FBRSL1: variants seen among roughly 807,000 people sequenced by gnomAD.
FBRSL1 encodes the protein fibrosin like 1, also known as fibrosin-1-like protein.
FBRSL1 carries 51 observed loss-of-function variants against 89.6 expected under a neutral mutation model. The ratio of observed to expected loss-of-function variants is 0.57; its 90% CI spans 0.45 to 0.72. The LOEUF (loss-of-function observed/expected upper bound fraction) is 0.72. Ranked by LOEUF, FBRSL1 falls within the 30% of genes least tolerant of loss-of-function variation. The probability of loss-of-function intolerance (pLI) is 0.00; values close to 1 mark genes in which losing one functional copy is unlikely to be tolerated. For synonymous variants in FBRSL1, 779 were observed against 681.1 expected (o/e 1.14, Z -2.24); for missense variants, 1,618 against 1,451.8 (o/e 1.11, Z -1.86).
At chr12:132,514,692 TC>T (rs1191041218) in intron 2 of FBRSL1, among the ~76,000 whole-genome samples, 1 of 152,130 alleles carries the variant, frequency 6.6e-6, no homozygotes, top group Non-Finnish European at 1.5e-5. Context: ...CCTAGAGGGC[TC>T]CCTGGTGTAC....
At position 132,508,147 on chromosome 12, in the gene FBRSL1, C is replaced by T; in HGVS notation, c.292-6C>T. On this transcript the variant is annotated splice_region_variant and splice_polypyrimidine_tract_variant and intron_variant, in intron 1 of 18. Coordinates refer to ENST00000680143, the MANE Select transcript of FBRSL1 (RefSeq NM_001367871.1). ...AATTAACTGGCGTTTCCCTGTCTCCCTGCAGAAGGATATGGCCCTGAAGCC... is the reference window on the plus strand; with the variant it reads ...AATTAACTGGCGTTTCCCTGTCTCCTTGCAGAAGGATATGGCCCTGAAGCC... 6.4e-7 allele frequency: 1 copy of T among 1,550,952 alleles called. No individual in the cohort carries two copies. Among genetic ancestry groups the T allele is most frequent in the South Asian group, 1.2e-5 (1 of 84,062 alleles).
At position 132,582,270 on chromosome 12, in the gene FBRSL1, AGTGGCCCTCTT is replaced by A. The variant is rs1371714708; in HGVS notation, c.2201+7_2201+17del. On this transcript the variant is annotated splice_donor_5th_base_variant and intron_variant, in intron 18 of 18. Coordinates refer to ENST00000680143, the MANE Select transcript of FBRSL1 (RefSeq NM_001367871.1). Reference sequence around the variant, plus strand: ...ATGGCAAGGAGGAGCAGGAACGGTGAGTGGCCCTCTTGTTCCGTATCCCCACCACACACCCC... The same window carrying A: ...ATGGCAAGGAGGAGCAGGAACGGTGAGTTCCGTATCCCCACCACACACCCC... 1 of 1,549,422 alleles carries A rather than the reference AGTGGCCCTCTT, an allele frequency of 6.5e-7. No individual in the cohort carries two copies. The highest frequency in any genetic ancestry group is 1.2e-5 in the South Asian group (1 of 83,994).
At chr12:132,545,919 AC>A (rs1347203286) in intron 4 of FBRSL1, among the ~76,000 whole-genome samples, 1 of 152,140 alleles carries the variant, frequency 6.6e-6, no homozygotes, top group Non-Finnish European at 1.5e-5. Context: ...CTAGAAGGGC[AC>A]CTGACTCCCC....
intron 6 of FBRSL1, among the ~76,000 whole-genome samples, 154 bp from the exon 7 acceptor site, chr12:132,569,772 T>C (rs966789790): frequency 1.3e-5 from 2 of 151,962 alleles, no homozygotes; most frequent in African/African-American, 2.4e-5. Context: ...CAGCTAGCTG[T>C]GTGGCCTCCG....
At chr12:132,520,889 G>A (rs1593324373) in intron 2 of FBRSL1, among the ~76,000 whole-genome samples, 1 of 152,214 alleles carries the variant, frequency 6.6e-6, no homozygotes, top group South Asian at 2.1e-4. Context: ...ATTCGGGGAC[G>A]GCTTTGTGGG....
In FBRSL1 at chr12:132,508,139, C is replaced by T; in HGVS notation, c.292-14C>T. ...GTCCCGCCAATTAACTGGCGTTTCC[C>T]TGTCTCCCTGCAGAAGGATATGGCC... On this transcript the variant is annotated splice_polypyrimidine_tract_variant and intron_variant, in intron 1 of 18. Transcript: ENST00000680143. 4.7e-6 allele frequency: 6 copies of T among 1,274,352 alleles called. No individual in the cohort carries two copies. Among genetic ancestry groups the T allele is most frequent in the East Asian group, 2.4e-5 (1 of 40,912 alleles). The allele number at this position is 1,274,352 out of a possible 1,614,324, so 78.9% of individuals were successfully genotyped here.
At chr12:132,574,222 G>A (rs565211313) in intron 12 of FBRSL1, 64 bp downstream of exon 12, 364 of 1,441,346 alleles carry the variant, frequency 2.5e-4, no homozygotes, top group Admixed American at 2.6e-4. Flanking sequence ...GGCCCTGTGC[G>A]GGCTGGTGGC....
At chr12:132,525,315 G>A (rs115783270) in intron 2 of FBRSL1, among the ~76,000 whole-genome samples, 2,028 of 152,302 alleles carry the variant, frequency 0.013, 43 homozygotes, top group African/African-American at 0.045. Flanking sequence ...GGGGTGGTGC[G>A]AACCAGCCAG....
At chr12:132,537,171 G>A (rs919154770) in intron 4 of FBRSL1, among the ~76,000 whole-genome samples, 3 of 152,216 alleles carry the variant, frequency 2.0e-5, no homozygotes, top group Non-Finnish European at 2.9e-5. Flanking sequence ...GCCCTGTCGT[G>A]TGGTGGGTGC....
chr12:132,505,138 A>G (rs1566106799), intron 1 of FBRSL1, among the ~76,000 whole-genome samples: 2 of 152,178 alleles, frequency 1.3e-5, no homozygotes, highest in Non-Finnish European at 2.9e-5. Context: ...AAACAAAAAG[A>G]TAAGCGGGGC....
intron 4 of FBRSL1, among the ~76,000 whole-genome samples, chr12:132,544,263 G>A (rs534305846): frequency 2.0e-4 from 30 of 152,290 alleles, no homozygotes; most frequent in Middle Eastern, 3.4e-3. Context: ...GGTGAGGTCC[G>A]ACAGACTCAG....
intron 10 of FBRSL1, 21 bp downstream of exon 10, chr12:132,572,365 C>T (rs1005095124): frequency 1.6e-5 from 25 of 1,550,348 alleles, no homozygotes; most frequent in African/African-American, 6.8e-5. Flanking sequence ...CCGAGGGGCC[C>T]GGCGCGTGTC....
At chr12:132,581,546 C>T (rs1665551212) in intron 16 of FBRSL1, 30 bp downstream of exon 16, 4 of 1,548,182 alleles carry the variant, frequency 2.6e-6, no homozygotes, top group Non-Finnish European at 3.5e-6. Flanking sequence ...GCCCACGCAG[C>T]CTGGCTGGTT....
intron 4 of FBRSL1, among the ~76,000 whole-genome samples, chr12:132,530,471 G>C (rs1191184043): frequency 6.6e-6 from 1 of 152,008 alleles, no homozygotes; most frequent in East Asian, 1.9e-4. Context: ...TCTGCCCCCT[G>C]TTGCTGGTGA....
intron 6 of FBRSL1, among the ~76,000 whole-genome samples, chr12:132,567,751 G>A (rs1311395437): frequency 6.6e-6 from 1 of 152,158 alleles, no homozygotes; most frequent in Non-Finnish European, 1.5e-5. Context: ...TCCGCTCGTA[G>A]CAGCGGCTCC....
chr12:132,578,045 T>G (rs1301329603), intron 15 of FBRSL1, among the ~76,000 whole-genome samples: 1 of 152,244 alleles, frequency 6.6e-6, no homozygotes, highest in Non-Finnish European at 1.5e-5. Context: ...GGTATAACTT[T>G]TGACTCCCCC....
intron 6 of FBRSL1, among the ~76,000 whole-genome samples, chr12:132,568,778 C>T (rs1438872356): frequency 6.6e-6 from 1 of 152,110 alleles, no homozygotes; most frequent in Non-Finnish European, 1.5e-5. Flanking sequence ...GGCTCCCTCT[C>T]TCCTGTGTCC....
chr12:132,506,287 G>T (rs1261478915), intron 1 of FBRSL1, among the ~76,000 whole-genome samples: 1 of 152,232 alleles, frequency 6.6e-6, no homozygotes, highest in African/African-American at 2.4e-5. Flanking sequence ...AGTAACACTA[G>T]AGCAGGTTTA....
intron 8 of FBRSL1, 103 bp from the exon 9 acceptor site, chr12:132,570,965 T>C: frequency 1.3e-6 from 1 of 794,284 alleles, no homozygotes; most frequent in East Asian, 1.3e-4. Context: ...CGGCCCAGGC[T>C]GGGGACGGCC....
Sources: allele counts gnomAD v4.1 joint callset (sites outside exome capture counted in the v4.1 genomes callset), GRCh38; gene constraint gnomAD v4.1.1; transcripts MANE v1.5; gene names NCBI Gene and HGNC (gene_info 2026-07-23, HGNC 2026-07-21).